MPP1: variants seen among roughly 807,000 people sequenced by gnomAD.
MPP1 encodes 55 kDa erythrocyte membrane protein.
In MPP1, 6 loss-of-function variants were observed where a neutral mutation model predicts 38.2. The ratio of observed to expected loss-of-function variants is 0.16; its 90% confidence interval spans 0.09 to 0.31. MPP1 has a LOEUF of 0.31. Among genes scored for constraint, MPP1 ranks in the 10% least tolerant of loss-of-function variants. The pLI, the probability that MPP1 is intolerant of heterozygous loss-of-function variation, is 1.00. For missense variants in MPP1, 293 were observed against 368.9 expected (o/e 0.79, Z 1.69); for synonymous variants, 153 against 146.3 (o/e 1.05, Z -0.33).
intron 3 of MPP1, chrX:154,791,301 A>G (rs1473816691): frequency 1.0e-5 from 4 of 396,956 alleles, no homozygotes; most frequent in Non-Finnish European, 1.7e-5. Flanking sequence ...AATTCCTGGA[A>G]CTAGAGTGGC....
intron 1 of MPP1, among the ~76,000 whole-genome samples, chrX:154,793,615 C>A (rs1037013954): frequency 9.0e-5 from 10 of 111,587 alleles, no homozygotes; most frequent in Admixed American, 4.8e-4. Context: ...CTATAAAATT[C>A]TTTCATCTTT....
intron 6 of MPP1, 102 bp downstream of exon 6, chrX:154,786,102 C>T: frequency 1.2e-6 from 1 of 855,748 alleles, no homozygotes; most frequent in Non-Finnish European, 1.7e-6. Context: ...AGGAGGTCTC[C>T]TTGGTTGAGA....
chrX:154,781,920 G>C (rs2072011356), intron 9 of MPP1, 118 bp from the exon 10 acceptor site: 6 of 678,828 alleles, frequency 8.8e-6, no homozygotes, highest in South Asian at 8.2e-5. Flanking sequence ...CTTTAATACA[G>C]GGGTTCCTCC....
intron 1 of MPP1, among the ~76,000 whole-genome samples, chrX:154,798,740 TTTTA>T (rs1309817611): frequency 2.7e-5 from 3 of 111,185 alleles, no homozygotes; most frequent in African/African-American, 9.8e-5. Flanking sequence ...ATTTTATTTA[TTTTA>T]TTTTTTTGAG....
chrX:154,786,051 C>T (rs782296763), intron 6 of MPP1, among the ~76,000 whole-genome samples, 153 bp downstream of exon 6: 10 of 112,230 alleles, frequency 8.9e-5, no homozygotes, highest in Admixed American at 2.8e-4. Context: ...AGCTTATCAA[C>T]GCATGGTTAA....
At chrX:154,802,898 A>G (rs1377837275) in intron 1 of MPP1, among the ~76,000 whole-genome samples, 2 of 112,398 alleles carry the variant, frequency 1.8e-5, no homozygotes, top group Non-Finnish European at 3.8e-5. Context: ...TATAATTTCT[A>G]TTGAAGCCAA....
At chrX:154,802,586 CT>C (rs1255050887) in intron 1 of MPP1, among the ~76,000 whole-genome samples, 1 of 111,282 alleles carries the variant, frequency 9.0e-6, no homozygotes, top group Non-Finnish European at 1.9e-5. Context: ...TTTACAACTA[CT>C]TTTATGTGCA....
intron 1 of MPP1, chrX:154,804,634 G>A (rs1411411924): frequency 6.1e-6 from 2 of 326,041 alleles, no homozygotes; most frequent in African/African-American, 2.6e-5. Flanking sequence ...ACAAGAAAAT[G>A]CTCAGTGTTG....
intron 1 of MPP1, among the ~76,000 whole-genome samples, chrX:154,797,493 C>T (rs1039423733): frequency 1.2e-4 from 13 of 111,216 alleles, no homozygotes; most frequent in Non-Finnish European, 1.5e-4. Flanking sequence ...GATAGGGAAC[C>T]CAGAAACAGA....
chrX:154,799,607 C>T, intron 1 of MPP1: 3 of 597,541 alleles, frequency 5.0e-6, no homozygotes, highest in Non-Finnish European at 7.4e-6. Flanking sequence ...CTCAAAGCAG[C>T]CACCATCATC....
intron 1 of MPP1, among the ~76,000 whole-genome samples, chrX:154,795,104 A>G (rs1362536185): frequency 3.6e-5 from 4 of 111,582 alleles, no homozygotes; most frequent in African/African-American, 1.3e-4. Context: ...CCTGTCTCAG[A>G]AAAACAAACA....
At chrX:154,800,439 G>A (rs905493019) in intron 1 of MPP1, among the ~76,000 whole-genome samples, 2 of 111,073 alleles carry the variant, frequency 1.8e-5, no homozygotes, top group African/African-American at 6.6e-5. Flanking sequence ...CCTTCCCAAC[G>A]AGCTTTTTCT....
intron 5 of MPP1, among the ~76,000 whole-genome samples, chrX:154,788,712 A>G (rs1031963783): frequency 6.3e-5 from 7 of 111,938 alleles, no homozygotes; most frequent in African/African-American, 2.0e-4. Flanking sequence ...ATTTTTCTCC[A>G]TTTTTCTGTT....
At chrX:154,798,796 A>G (rs782202334) in intron 1 of MPP1, among the ~76,000 whole-genome samples, 392 of 111,542 alleles carry the variant, frequency 3.5e-3, no homozygotes, top group Middle Eastern at 9.2e-3. Context: ...GTGCAATGGC[A>G]CGATCTCGGC....
chrX:154,801,758 C>CA (rs781902044), intron 1 of MPP1, among the ~76,000 whole-genome samples: 961 of 6,813 alleles, frequency 0.14, 300 homozygotes, highest in Middle Eastern at 0.5. Context: ...AACTCTGTCT[C>CA]AAAAAAAAAA....
intron 11 of MPP1, among the ~76,000 whole-genome samples, 181 bp downstream of exon 11, chrX:154,781,058 T>G (rs782146583): frequency 1.2e-4 from 13 of 111,878 alleles, no homozygotes; most frequent in African/African-American, 4.2e-4. Context: ...GGCACTGGCC[T>G]AGCTAGTGGC....
chrX:154,779,090 G>T lies in MPP1; in HGVS notation c.*87C>A. ...GCTGGAAGCTGACACAAAACTAGTTGGAGCAGCCCTGTTTGTCTTAAAGCA... is the reference window on the plus strand; with the variant it reads ...GCTGGAAGCTGACACAAAACTAGTTTGAGCAGCCCTGTTTGTCTTAAAGCA... On this transcript the variant is annotated 3_prime_UTR_variant, in exon 12 of 12. Coordinates refer to ENST00000369534, the MANE Select transcript of MPP1 (RefSeq NM_002436.4). 1 of 913,288 alleles carries T rather than the reference G, an allele frequency of 1.1e-6. No individual in the cohort carries two copies. 75.3% of individuals were successfully genotyped at this position (913,288 alleles called of 1,213,427 possible). A position where few individuals can be genotyped will look rare whatever the true frequency, so the allele number is the denominator to read the frequency against.
rs924042243 is a variant in MPP1, at chrX:154,779,088, T to C, written c.*89A>G. 77 of 904,449 alleles carry C rather than the reference T, an allele frequency of 8.5e-5. No homozygotes were observed. Among genetic ancestry groups the C allele is most frequent in the South Asian group, 2.3e-4 (9 of 39,132 alleles). 74.5% of individuals were successfully genotyped at this position (904,449 alleles called of 1,213,427 possible). A position where few individuals can be genotyped will look rare whatever the true frequency, so the allele number is the denominator to read the frequency against. On this transcript the variant is annotated 3_prime_UTR_variant, in exon 12 of 12. Coordinates refer to ENST00000369534, the MANE Select transcript of MPP1 (RefSeq NM_002436.4). ...GAGCTGGAAGCTGACACAAAACTAG[T>C]TGGAGCAGCCCTGTTTGTCTTAAAG... is the stretch of plus-strand genomic sequence containing the variant.
intron 1 of MPP1, 93 bp downstream of exon 1, chrX:154,805,179 G>GC: frequency 3.4e-6 from 3 of 890,823 alleles, no homozygotes; most frequent in Non-Finnish European, 3.2e-6. Context: ...GCAAGGACAG[G>GC]CCCCCCGGGG....
Sources: gnomAD v4.1 joint callset for allele counts (sites outside exome capture counted in the v4.1 genomes callset) on GRCh38, gnomAD v4.1.1 for gene constraint, MANE v1.5 for transcripts, NCBI Gene and HGNC (gene_info 2026-07-23, HGNC 2026-07-21) for gene names.